Variants in BPIFC observed in about 807,000 individuals in gnomAD.
BPIFC encodes the protein BPI fold-containing family C protein.
A neutral mutation model predicts 57.6 loss-of-function variants in BPIFC; 60 were observed. The ratio of observed to expected loss-of-function variants is 1.04; its 90% CI spans 0.85 to 1.29. The LOEUF (loss-of-function observed/expected upper bound fraction) is 1.29. Ranked by LOEUF, BPIFC falls within the 50% of genes most tolerant of loss-of-function variation. BPIFC has a pLI of 0.00. For missense variants in BPIFC, 581 were observed against 600.5 expected (o/e 0.97, Z 0.34); for synonymous variants, 243 against 224.5 (o/e 1.08, Z -0.74).
chr22:32,462,815 T>C (rs909482355), intron 1 of BPIFC, among the ~76,000 whole-genome samples: 1 of 152,248 alleles, frequency 6.6e-6, no homozygotes, highest in African/African-American at 2.4e-5. Context: ...TGACACCATT[T>C]TCCTTTTTGT....
At chr22:32,462,172 A>G (rs1448020225) in intron 1 of BPIFC, among the ~76,000 whole-genome samples, 3 of 147,866 alleles carry the variant, frequency 2.0e-5, no homozygotes, top group Non-Finnish European at 4.5e-5. Context: ...CCATCTCAAA[A>G]AAAAAAAAAA....
intron 13 of BPIFC, among the ~76,000 whole-genome samples, chr22:32,428,584 TAAACAAAC>T (rs935552875): frequency 6.6e-6 from 1 of 150,684 alleles, no homozygotes; most frequent in Non-Finnish European, 1.5e-5. Flanking sequence ...CATACTACTT[TAAACAAAC>T]AAACAAACAA....
intron 7 of BPIFC, among the ~76,000 whole-genome samples, chr22:32,443,290 C>CGTAGCT (rs1934621239): frequency 6.6e-6 from 1 of 151,918 alleles, no homozygotes; most frequent in South Asian, 2.1e-4. Flanking sequence ...CAGCCTCCTG[C>CGTAGCT]GTAGCTGGGA....
At chr22:32,449,432 T>A (rs1331962595) in intron 4 of BPIFC, among the ~76,000 whole-genome samples, 1 of 152,246 alleles carries the variant, frequency 6.6e-6, no homozygotes, top group East Asian at 1.9e-4. Context: ...AATTATTTGC[T>A]AATAATATTT....
intron 5 of BPIFC, chr22:32,446,758 G>C (rs117463323): frequency 8.1e-6 from 8 of 985,370 alleles, no homozygotes; most frequent in Non-Finnish European, 9.6e-6. Context: ...CCTTCTACAC[G>C]AGGGTGCAAA....
chr22:32,414,204 G>T lies in BPIFC; in HGVS notation c.*99C>A. On this transcript the variant is annotated 3_prime_UTR_variant, in exon 17 of 17. Transcript: ENST00000300399. ...CTTTCTGCCTAAGCAATTCACAAGG[G>T]CTTTACAATTCCAGTGTGTACTGTC... is the stretch of plus-strand genomic sequence containing the variant. 6.8e-7 allele frequency: 1 copy of T among 1,481,068 alleles called. No homozygotes were observed. Among genetic ancestry groups the T allele is most frequent in the Non-Finnish European group, 9.1e-7 (1 of 1,101,648 alleles). 91.7% of individuals were successfully genotyped at this position (1,481,068 alleles called of 1,614,324 possible).
chr22:32,459,670 A>G (rs1352163579), intron 2 of BPIFC, among the ~76,000 whole-genome samples: 3 of 151,682 alleles, frequency 2.0e-5, no homozygotes, highest in Non-Finnish European at 4.4e-5. Context: ...TTCCAAAAAT[A>G]AAAAATAAAA....
intron 13 of BPIFC, among the ~76,000 whole-genome samples, chr22:32,428,250 C>CGTGTGTGTGTGTGTGTGCGCGCGT (rs1556037677): frequency 2.8e-5 from 4 of 143,266 alleles, no homozygotes; most frequent in African/African-American, 1.0e-4. Flanking sequence ...TACATTAAAA[C>CGTGTGTGTGTGTGTGTGCGCGCGT]GTGTGTGTGT....
In BPIFC at chr22:32,447,317, A is replaced by T; in HGVS notation, c.269T>A (p.Phe90Tyr). Residue 90 changes from phenylalanine (F) to tyrosine (Y), a missense_variant, in exon 5 of 17, where the codon TTT (phenylalanine) becomes TAT (tyrosine). By Grantham distance (22) the Phe-to-Tyr change is conservative. Coordinates refer to ENST00000300399, the MANE Select transcript of BPIFC (RefSeq NM_174932.3). Reference sequence around the variant, plus strand: ...CACAAAAGCCAATGAGGTATTTGGAAATGAAAAGGCACTGATTTTTATACT... The same window carrying T: ...CACAAAAGCCAATGAGGTATTTGGATATGAAAAGGCACTGATTTTTATACT... ...FSNIKISAFS[F>Y]PNTSLAFVPG... 6.2e-7 allele frequency: 1 copy of T among 1,613,796 alleles called. No homozygotes were observed. Among genetic ancestry groups the T allele is most frequent in the Non-Finnish European group, 8.5e-7 (1 of 1,179,936 alleles).
At chr22:32,442,515 G>A (rs905381270) in intron 8 of BPIFC, among the ~76,000 whole-genome samples, 156 bp downstream of exon 8, 6 of 152,132 alleles carry the variant, frequency 3.9e-5, no homozygotes, top group African/African-American at 1.4e-4. Context: ...TAAGCACAAG[G>A]CACATCCTCC....
chr22:32,435,303 G>C (rs1265926545), intron 10 of BPIFC, among the ~76,000 whole-genome samples: 1 of 152,122 alleles, frequency 6.6e-6, no homozygotes, highest in Non-Finnish European at 1.5e-5. Context: ...AACTAATACA[G>C]GTTGAACATT....
intron 5 of BPIFC, 77 bp downstream of exon 5, chr22:32,447,135 A>T (rs1039699662): frequency 7.0e-7 from 1 of 1,432,060 alleles, no homozygotes; most frequent in Non-Finnish European, 9.2e-7. Flanking sequence ...TGCCAAAAAC[A>T]TTGGTGAATT....
intron 13 of BPIFC, among the ~76,000 whole-genome samples, chr22:32,422,928 A>C (rs962576470): frequency 1.5e-4 from 23 of 152,322 alleles, no homozygotes; most frequent in African/African-American, 5.1e-4. Flanking sequence ...AATAGAAACC[A>C]TTGTCCTTCT....
chr22:32,429,416 C>T (rs1934166613), intron 13 of BPIFC, among the ~76,000 whole-genome samples: 1 of 151,476 alleles, frequency 6.6e-6, no homozygotes, highest in East Asian at 1.9e-4. Flanking sequence ...CCATGTTAGC[C>T]AGGATGGTCT....
intron 4 of BPIFC, among the ~76,000 whole-genome samples, chr22:32,447,551 T>C (rs754196797): frequency 6.6e-6 from 1 of 151,868 alleles, no homozygotes; most frequent in African/African-American, 2.4e-5. Context: ...ATCCAGTTGA[T>C]GAGGGAAATG....
intron 7 of BPIFC, among the ~76,000 whole-genome samples, chr22:32,445,263 C>T (rs1028179063): frequency 2.6e-5 from 4 of 152,152 alleles, no homozygotes; most frequent in Non-Finnish European, 4.4e-5. Flanking sequence ...ATTGGCCAGG[C>T]GCGGTGGCTC....
chr22:32,453,890 C>A (rs192460441), intron 3 of BPIFC, among the ~76,000 whole-genome samples: 1 of 151,902 alleles, frequency 6.6e-6, no homozygotes, highest in Non-Finnish European at 1.5e-5. Context: ...TGAAACCAGT[C>A]TGGGAAACAT....
At chr22:32,436,346 A>AGAGGAG (rs1216074561) in intron 9 of BPIFC, among the ~76,000 whole-genome samples, 5 of 92,682 alleles carry the variant, frequency 5.4e-5, no homozygotes, top group Non-Finnish European at 1.0e-4. Context: ...AAGAAGAGGA[A>AGAGGAG]GAGGAGGAGG....
intron 2 of BPIFC, among the ~76,000 whole-genome samples, chr22:32,458,192 T>C (rs1389476682): frequency 6.6e-6 from 1 of 152,190 alleles, no homozygotes; most frequent in African/African-American, 2.4e-5. Context: ...CACTTCCTCA[T>C]TGACCTCTGT....
Sources: allele counts gnomAD v4.1 joint callset (sites outside exome capture counted in the v4.1 genomes callset), GRCh38; gene constraint gnomAD v4.1.1; transcripts MANE v1.5; gene names NCBI Gene and HGNC (gene_info 2026-07-23, HGNC 2026-07-21).